The following PLD3 variants were observed in gnomAD, a reference collection of about 807,000 sequenced individuals.
PLD3 encodes 5'-3' exonuclease PLD3.
Under a neutral mutation model 58.4 loss-of-function variants are expected in PLD3, and 31 were observed. The observed-to-expected ratio is 0.53, with a 90% CI of 0.40 to 0.72. The LOEUF (loss-of-function observed/expected upper bound fraction) is 0.72. Ranked by LOEUF, PLD3 falls within the 30% of genes least tolerant of loss-of-function variation. The pLI, the probability that PLD3 is intolerant of heterozygous loss-of-function variation, is 0.00. For synonymous variants in PLD3, 264 were observed against 273.4 expected (o/e 0.97, Z 0.34); for missense variants, 595 against 659.8 (o/e 0.90, Z 1.08).
intron 10 of PLD3, 68 bp from the exon 11 acceptor site, chr19:40,376,541 T>G: frequency 6.6e-6 from 10 of 1,504,048 alleles, no homozygotes; most frequent in Non-Finnish European, 8.1e-6. Context: ...TCCCCAAAGC[T>G]GAGGGCAAAG....
At position 40,378,315 on chromosome 19, in the gene PLD3, A is replaced by G. The variant is rs1254924425; in HGVS notation, c.*142A>G. ...CTCTCTCCCCTGCTCTCCCACCTCTACCTCCACCCCCACCGGCCTGACGCT... is the reference window on the plus strand; with the variant it reads ...CTCTCTCCCCTGCTCTCCCACCTCTGCCTCCACCCCCACCGGCCTGACGCT... On this transcript the variant is annotated 3_prime_UTR_variant, in exon 13 of 13. Transcript: ENST00000409735. 2.5e-6 allele frequency: 2 copies of G among 790,742 alleles called. No individual in the cohort carries two copies. Among genetic ancestry groups the G allele is most frequent in the South Asian group, 2.8e-5 (2 of 71,458 alleles). 49.0% of individuals were successfully genotyped at this position (790,742 alleles called of 1,614,324 possible).
At position 40,376,773 on chromosome 19, in the gene PLD3, TG is replaced by T; in HGVS notation, c.1185+1del. The T allele has an allele frequency of 6.3e-7, 1 of 1,599,034 alleles. No homozygotes were observed. Among genetic ancestry groups the T allele is most frequent in the Non-Finnish European group, 8.5e-7 (1 of 1,179,658 alleles). On this transcript the variant is annotated frameshift_variant and splice_region_variant, in exon 11 of 13. Coordinates refer to ENST00000409735, the MANE Select transcript of PLD3 (RefSeq NM_012268.4). LOFTEE classifies it high-confidence loss of function. ...AACCATACCCACTCTGACATCCAGGTGGTAAGTACTGCCCCAAGCCACCCCT... is the reference window on the plus strand; with the variant it reads ...AACCATACCCACTCTGACATCCAGGTGTAAGTACTGCCCCAAGCCACCCCT... ...RDNHTHSDIQVKLFVVPADEA... is the reference protein window; with the variant it reads ...RDNHTHSDIQXKLFVVPADEA...
chr19:40,378,156 G>T lies in PLD3; in HGVS notation c.1456G>T (p.Ala486Ser). 6.2e-7 allele frequency: 1 copy of T among 1,609,678 alleles called. No individual in the cohort carries two copies. The highest frequency in any genetic ancestry group is 8.5e-7 in the Non-Finnish European group (1 of 1,177,614). The change falls in exon 13 of 13, where the codon GCC (alanine) becomes TCC (serine). Residue 486 changes from alanine to serine, a missense_variant. Ala to Ser is a moderately conservative substitution (Grantham distance 99, BLOSUM62 1). Transcript: ENST00000409735. ...CACCTCAGCTGACAGCGTGGGCAAC[G>T]CCTGCCGCCTGCTCTGAGGCCCGAT... Reference protein sequence around the residue: ...LDTSADSVGNACRLL With the variant: ...LDTSADSVGNSCRLL
At chr19:40,372,342 AC>A (rs2145697497) in intron 9 of PLD3, among the ~76,000 whole-genome samples, 1 of 151,468 alleles carries the variant, frequency 6.6e-6, no homozygotes, top group East Asian at 2.0e-4. Context: ...AAACAAACAA[AC>A]AAAACTAGCT....
At position 40,367,759 on chromosome 19, in the gene PLD3, T is replaced by C. The variant is rs1600307767; in HGVS notation, c.309T>C (p.Pro103=). The C allele has an allele frequency of 1.2e-6, 2 of 1,613,710 alleles. No homozygotes were observed. Among genetic ancestry groups the C allele is most frequent in the Non-Finnish European group, 1.7e-6 (2 of 1,179,892 alleles). Residue 103 remains proline, a synonymous_variant, in exon 6 of 13, where the codon CCT becomes CCC. Coordinates refer to ENST00000409735, the MANE Select transcript of PLD3 (RefSeq NM_012268.4). ...TCCCCAATGCCTCCACGGGGAACCC[T>C]TCCACCAGCCAGGCCTGGCTGGGCC... ...LDFPNASTGN[P]STSQAWLGLL... is the part of the protein sequence containing the mutation.
chr19:40,363,075 T>C (rs1315578974), intron 1 of PLD3, among the ~76,000 whole-genome samples: 1 of 152,138 alleles, frequency 6.6e-6, no homozygotes, highest in Non-Finnish European at 1.5e-5. Context: ...TTTCTCCTTA[T>C]TTTTGGTTTA....
intron 10 of PLD3, chr19:40,376,350 C>A: frequency 2.5e-6 from 1 of 402,520 alleles, no homozygotes; most frequent in Non-Finnish European, 4.3e-6. Flanking sequence ...AGCGAAATTC[C>A]ACCTCAAAAA....
chr19:40,365,112 A>ATT (rs2078885478), intron 1 of PLD3, among the ~76,000 whole-genome samples: 1 of 152,070 alleles, frequency 6.6e-6, no homozygotes, highest in Non-Finnish European at 1.5e-5. Context: ...ACTTCCTGCC[A>ATT]TGTGTGTTTG....
At chr19:40,354,411 G>C (rs562400458) in intron 1 of PLD3, among the ~76,000 whole-genome samples, 1 of 151,902 alleles carries the variant, frequency 6.6e-6, no homozygotes, top group Admixed American at 6.6e-5. Flanking sequence ...ATCTCACTTT[G>C]TTGCCCAGGC....
rs1294839020 is a variant in PLD3 at position 40,366,647 on chromosome 19, C to G, written c.65C>G (p.Pro22Arg). 3.8e-6 allele frequency: 6 copies of G among 1,591,902 alleles called. No homozygotes were observed. The South Asian group carries it at 6.8e-5, about 18-fold the overall frequency. ...GCAGAGGAGCCCGCCAATGAGCTGC[C>G]CATGAATGAGATTGAGGCGTGGAAG... The part of the protein sequence containing the change: ...VPAEEPANEL[P>R]MNEIEAWKAA... Residue 22 changes from proline to arginine, a missense_variant, in exon 4 of 13, where the codon CCC becomes CGC. Transcript: ENST00000409735.
intron 5 of PLD3, 63 bp downstream of exon 5, chr19:40,366,978 A>C: frequency 1.3e-6 from 2 of 1,519,400 alleles, no homozygotes; most frequent in South Asian, 2.5e-5. Context: ...ACTTAAGCAC[A>C]CACTAAACAG....
At chr19:40,367,437 C>T (rs2078954547) in intron 5 of PLD3, 1 of 383,936 alleles carries the variant, frequency 2.6e-6, no homozygotes, top group African/African-American at 2.0e-5. Flanking sequence ...AAAAAGTAAC[C>T]AGGCATACTG....
intron 9 of PLD3, among the ~76,000 whole-genome samples, chr19:40,373,209 C>T (rs1189608505): frequency 6.6e-6 from 1 of 152,168 alleles, no homozygotes; most frequent in Non-Finnish European, 1.5e-5. Flanking sequence ...CAAGGGCCTC[C>T]CGCAGGGGAT....
At chr19:40,359,021 C>G (rs2078717495) in intron 1 of PLD3, 3 of 152,372 alleles carry the variant, frequency 2.0e-5, no homozygotes, top group Non-Finnish European at 4.4e-5. Context: ...GCAGTGCCCT[C>G]TCCCAGATGA....
chr19:40,355,612 CTT>C (rs60422933), intron 1 of PLD3, among the ~76,000 whole-genome samples: 182 of 81,102 alleles, frequency 2.2e-3, no homozygotes, highest in East Asian at 8.0e-3. Context: ...GTGCCGGCTC[CTT>C]TTTTTTTTTT....
In PLD3 at chr19:40,376,660, C is replaced by T. The variant is rs147721393; in HGVS notation, c.1071C>T (p.Gly357=). Residue 357 remains glycine, a synonymous_variant, in exon 11 of 13, where the codon GGC becomes GGT. Transcript: ENST00000409735. ...TGCGGCGGGCCACCTACGAGCGTGG[C>T]GTCAAGGTGCGCCTGCTCATCAGCT... ...DGLRRATYER[G]VKVRLLISCW... is the part of the protein sequence containing the mutation. The T allele has an allele frequency of 1.5e-3, 2,447 of 1,607,072 alleles. 1 individual carries two copies. Among genetic ancestry groups the T allele is most frequent in the Non-Finnish European group, 1.8e-3 (2,075 of 1,179,986 alleles).
intron 5 of PLD3, chr19:40,367,188 T>A: frequency 6.6e-6 from 3 of 451,224 alleles, no homozygotes; most frequent in African/African-American, 4.0e-5. Context: ...ACGACCTTCC[T>A]TCCACACCTC....
chr19:40,366,799 C>T lies in PLD3; in HGVS notation c.129C>T (p.Leu43=), dbSNP rs371085398. The change falls in exon 5 of 13, where the codon CTC becomes CTT. Residue 43 remains leucine (L), a synonymous_variant. Coordinates refer to ENST00000409735, the MANE Select transcript of PLD3 (RefSeq NM_012268.4). ...EKKARWVLLV[L]ILAVVGFGAL... ...AAGCCCGCTGGGTCCTGCTGGTCCT[C>T]ATTCTGGCGGTTGTGGGCTTCGGAG... 47 of 1,614,004 alleles carry T rather than the reference C, an allele frequency of 2.9e-5. No homozygotes were observed. In the African/African-American group the frequency reaches 4.7e-4, roughly 16 times the overall value.
intron 1 of PLD3, chr19:40,360,223 C>T (rs1041768983): frequency 2.6e-5 from 4 of 152,396 alleles, no homozygotes; most frequent in African/African-American, 9.7e-5. Flanking sequence ...CCATCCCCTC[C>T]ACCTTCAAAA....
Sources: allele counts gnomAD v4.1 joint callset (sites outside exome capture counted in the v4.1 genomes callset), GRCh38; gene constraint gnomAD v4.1.1; transcripts MANE v1.5; gene names NCBI Gene and HGNC (gene_info 2026-07-23, HGNC 2026-07-21).